RAB40C: variants seen among roughly 807,000 people sequenced by gnomAD.
The protein encoded by RAB40C is RAB40C, member RAS oncogene family.
A neutral mutation model predicts 28.1 loss-of-function variants in RAB40C; 8 were observed. The observed-to-expected ratio is 0.28, with a 90% CI of 0.17 to 0.51. The LOEUF is 0.51. RAB40C is among the 20% of genes least tolerant of loss of function. The pLI is 0.97. For missense variants in RAB40C, 288 were observed against 405.9 expected (o/e 0.71, Z 2.50); for synonymous variants, 201 against 171.7 (o/e 1.17, Z -1.34).
intron 1 of RAB40C, among the ~76,000 whole-genome samples, chr16:609,579 A>T (rs1447211084): frequency 6.6e-6 from 1 of 152,152 alleles, no homozygotes; most frequent in East Asian, 1.9e-4. Flanking sequence ...CCAGACAGGC[A>T]GGAAAAGAGC....
chr16:622,104 C>G (rs1227188879), intron 3 of RAB40C, among the ~76,000 whole-genome samples: 3 of 152,122 alleles, frequency 2.0e-5, no homozygotes, highest in African/African-American at 7.2e-5. Flanking sequence ...ATGTTCAAAC[C>G]TCGGATCTTT....
At chr16:626,492 G>A (rs74000878) in intron 5 of RAB40C, among the ~76,000 whole-genome samples, 5,514 of 152,176 alleles carry the variant, frequency 0.036, 313 homozygotes, top group African/African-American at 0.12. Flanking sequence ...TTTGTGTTGT[G>A]TCATCTGCTC....
chr16:602,898 T>C (rs2036282499), intron 1 of RAB40C, among the ~76,000 whole-genome samples: 1 of 152,136 alleles, frequency 6.6e-6, no homozygotes, highest in Non-Finnish European at 1.5e-5. Context: ...GGACATGAGA[T>C]TGGGGTTTAA....
chr16:616,333 T>C (rs905779946), intron 1 of RAB40C, among the ~76,000 whole-genome samples: 1 of 141,648 alleles, frequency 7.1e-6, no homozygotes, highest in South Asian at 2.3e-4. Flanking sequence ...AGAAGCAGCA[T>C]TTTATTTATT....
In RAB40C at chr16:590,228, A is replaced by C; in HGVS notation, c.-64A>C. 3 of 1,240,250 alleles carry C rather than the reference A, an allele frequency of 2.4e-6. No individual in the cohort carries two copies. The highest frequency in any genetic ancestry group is 3.1e-6 in the Non-Finnish European group (3 of 980,458). The allele number at this position is 1,240,250 out of a possible 1,614,324, so 76.8% of individuals were successfully genotyped here. A position where few individuals can be genotyped will look rare whatever the true frequency, so the allele number is the denominator to read the frequency against. Reference sequence around the variant, plus strand: ...GCAGGTGCGGGGCGCGGGCTCTCTCACGCCGCGGCCTCACCCGGCGGTGCT... The same window carrying C: ...GCAGGTGCGGGGCGCGGGCTCTCTCCCGCCGCGGCCTCACCCGGCGGTGCT... On this transcript the variant is annotated 5_prime_UTR_variant, in exon 1 of 6. Transcript: ENST00000248139.
chr16:618,693 A>G (rs1347144243), intron 3 of RAB40C, among the ~76,000 whole-genome samples: 1 of 144,358 alleles, frequency 6.9e-6, no homozygotes, highest in Non-Finnish European at 1.5e-5. Flanking sequence ...GTGTGTGCAC[A>G]GGTGTAGTGG....
At position 622,598 on chromosome 16, in the gene RAB40C, C is replaced by T. The variant is rs148166073; in HGVS notation, c.265-2834C>T. Among the ~76,000 whole-genome samples, 978 of 152,330 alleles carry T rather than the reference C, an allele frequency of 6.4e-3. 9 individuals carry two copies. Among genetic ancestry groups the T allele is most frequent in the African/African-American group, 0.022 (925 of 41,566 alleles). On this transcript the variant is annotated intron_variant, in intron 3 of 5. Transcript: ENST00000248139. Reference sequence around the variant, plus strand: ...TCTCGGCTCACTGCAACCTCCGCCTCCCGGGTTCACGCCATTCTCCTGCCT... The same window carrying T: ...TCTCGGCTCACTGCAACCTCCGCCTTCCGGGTTCACGCCATTCTCCTGCCT...
chr16:607,822 T>C (rs2036395310), intron 1 of RAB40C, among the ~76,000 whole-genome samples: 1 of 152,140 alleles, frequency 6.6e-6, no homozygotes, highest in African/African-American at 2.4e-5. Flanking sequence ...GAAAGTCGCA[T>C]CTGGTAAAGC....
chr16:625,406 T>TGATGACCCCC, intron 3 of RAB40C, 26 bp from the exon 4 acceptor site: 1 of 1,610,878 alleles, frequency 6.2e-7, no homozygotes, highest in South Asian at 1.1e-5. Context: ...CAGTGACCCC[T>TGATGACCCCC]GATGACCCCC....
rs959911927 is a variant in RAB40C, at chr16:596,154, A to G, written c.142+5721A>G. Among the ~76,000 whole-genome samples, 4 of 152,248 alleles carry G rather than the reference A, an allele frequency of 2.6e-5. 1 individual carries two copies. Among genetic ancestry groups the G allele is most frequent in the African/African-American group, 9.6e-5 (4 of 41,472 alleles). Reference sequence around the variant, plus strand: ...GTCTCTCGCAGGGTGGTGTGGACACAGATGACTCGTGTCGAGCACACGTGT... The same window carrying G: ...GTCTCTCGCAGGGTGGTGTGGACACGGATGACTCGTGTCGAGCACACGTGT... On this transcript the variant is annotated intron_variant, in intron 1 of 5. Transcript: ENST00000248139.
chr16:620,455 T>G (rs891068532), intron 3 of RAB40C, among the ~76,000 whole-genome samples: 1 of 152,364 alleles, frequency 6.6e-6, no homozygotes, highest in Admixed American at 6.5e-5. Context: ...GTCTTCCTTT[T>G]GCTTTTAAGT....
chr16:591,042 G>C (rs1249228687), intron 1 of RAB40C, among the ~76,000 whole-genome samples: 1 of 151,374 alleles, frequency 6.6e-6, no homozygotes, highest in African/African-American at 2.4e-5. Context: ...TGGGGTCCGA[G>C]GAAAGGTGTC....
intron 1 of RAB40C, among the ~76,000 whole-genome samples, chr16:615,961 CAAAAA>C (rs1372999181): frequency 1.3e-5 from 2 of 148,758 alleles, no homozygotes; most frequent in Non-Finnish European, 3.0e-5. Context: ...GACTCCATCT[CAAAAA>C]AGAAAAAAAG....
intron 3 of RAB40C, chr16:624,369 T>A: frequency 1.0e-6 from 1 of 985,470 alleles, no homozygotes; most frequent in Non-Finnish European, 1.2e-6. Flanking sequence ...ATCTTATCAT[T>A]TATCGCCCAC....
rs140420877 is a variant in RAB40C, at chr16:605,781, G to A, written c.143-11427G>A. Among the ~76,000 whole-genome samples the A allele has an allele frequency of 8.8e-3, 1,347 of 152,302 alleles. 6 individuals carry two copies. The highest frequency in any genetic ancestry group is 0.015 in the Non-Finnish European group (1,012 of 68,030). On this transcript the variant is annotated intron_variant, in intron 1 of 5. Transcript: ENST00000248139. The stretch of plus-strand genomic sequence containing the variant: ...TCTCAGACGCGTTTGGTCAACACAG[G>A]TGCCCATTGCTGTTGGGACGTACTG...
At chr16:613,405 T>A (rs1374678893) in intron 1 of RAB40C, among the ~76,000 whole-genome samples, 1 of 151,294 alleles carries the variant, frequency 6.6e-6, no homozygotes. Context: ...GCCTGTAGAA[T>A]CAAGAGCAGG....
In RAB40C at chr16:618,180, C is replaced by T; in HGVS notation, c.204-20C>T. On this transcript the variant is annotated intron_variant, in intron 2 of 5. Transcript: ENST00000248139. ...CACAGGGACCACAGTCCCGGCCCCT[C>T]CCCTCCCCGTATGTTTCAGGGACAC... 6.2e-7 allele frequency: 1 copy of T among 1,610,568 alleles called. No homozygotes were observed.
chr16:623,506 T>C (rs557430748), intron 3 of RAB40C, among the ~76,000 whole-genome samples: 23 of 151,476 alleles, frequency 1.5e-4, no homozygotes, highest in Non-Finnish European at 1.5e-4. Flanking sequence ...ACAAAAAAAT[T>C]AGCCGGGCAT....
intron 2 of RAB40C, among the ~76,000 whole-genome samples, chr16:617,563 C>T (rs1316162132): frequency 1.3e-5 from 2 of 152,158 alleles, no homozygotes; most frequent in Non-Finnish European, 2.9e-5. Flanking sequence ...CATTTCCCAG[C>T]GGGGTGTGGT....
Sources: allele counts gnomAD v4.1 joint callset (sites outside exome capture counted in the v4.1 genomes callset), GRCh38; gene constraint gnomAD v4.1.1; transcripts MANE v1.5; gene names NCBI Gene and HGNC (gene_info 2026-07-23, HGNC 2026-07-21).